VPS8: variants seen among roughly 807,000 people sequenced by gnomAD.
The protein encoded by VPS8 is vacuolar protein sorting-associated protein 8 homolog.
In VPS8, 129 loss-of-function variants were observed where a neutral mutation model predicts 216.4. The observed-to-expected ratio is 0.60, with a 90% CI of 0.52 to 0.69. VPS8 has a LOEUF of 0.69. Among genes scored for constraint, VPS8 ranks in the 30% least tolerant of loss-of-function variants. VPS8 has a pLI of 0.00. For synonymous variants in VPS8, 571 were observed against 565.4 expected, an observed-to-expected ratio of 1.01 and a Z score of -0.14; for missense variants, 1,531 against 1,683.5, an observed-to-expected ratio of 0.91 and a Z score of 1.59.
intron 36 of VPS8, among the ~76,000 whole-genome samples, chr3:184,956,325 C>G (rs1351537782): frequency 1.3e-5 from 2 of 152,216 alleles, no homozygotes; most frequent in African/African-American, 4.8e-5. Flanking sequence ...GCTCTTGGGA[C>G]AACCAGAGTC....
chr3:184,859,887 A>C (rs1237082809), intron 14 of VPS8, 98 bp from the exon 15 acceptor site: 2 of 787,020 alleles, frequency 2.5e-6, no homozygotes, highest in African/African-American at 3.5e-5. Context: ...GAATGGGATA[A>C]TGGGTAAATG....
chr3:185,051,941 G>T lies in VPS8; in HGVS notation c.4203G>T (p.Ser1401=), dbSNP rs200539755. Residue 1401 remains serine (S), a synonymous_variant, in exon 48 of 48, where the codon TCG becomes TCT. Transcript: ENST00000625842. ...AGAGCTATAGGCCATTCAGTGGCTCGCAGAGTGCTCCTGCTTTCAACAGCA... is the reference window on the plus strand; with the variant it reads ...AGAGCTATAGGCCATTCAGTGGCTCTCAGAGTGCTCCTGCTTTCAACAGCA... ...SSESYRPFSG[S]QSAPAFNSIF... The T allele has an allele frequency of 1.9e-6, 3 of 1,612,592 alleles. No homozygotes were observed. The highest frequency in any genetic ancestry group is 2.5e-6 in the Non-Finnish European group (3 of 1,179,510).
intron 45 of VPS8, among the ~76,000 whole-genome samples, chr3:185,004,087 G>T (rs933734083): frequency 6.6e-6 from 1 of 152,230 alleles, no homozygotes; most frequent in East Asian, 1.9e-4. Flanking sequence ...TGGCGGCCAG[G>T]CAGAGGCTGC....
In VPS8 at chr3:184,860,266, C is replaced by T. The variant is rs553603961; in HGVS notation, c.1224+201C>T. 2.0e-4 allele frequency among the ~76,000 whole-genome samples: 31 copies of T among 151,600 alleles called. 1 individual carries two copies. Among genetic ancestry groups the T allele is most frequent in the South Asian group, 8.4e-4 (4 of 4,788 alleles). On this transcript the variant is annotated intron_variant, in intron 15 of 47. Transcript: ENST00000625842. ...CTGGGATAGCTTAAGCCCAGGAGTT[C>T]GAGGCTGTAGTGCTCAGTGATCGCT... is the stretch of plus-strand genomic sequence containing the variant.
intron 4 of VPS8, among the ~76,000 whole-genome samples, chr3:184,833,803 TCTC>T (rs1720498330): frequency 2.0e-5 from 3 of 152,204 alleles, no homozygotes; most frequent in African/African-American, 7.2e-5. Context: ...TTAGTCATCT[TCTC>T]TTTTCTATAG....
chr3:184,926,404 A>G (rs1739654056), intron 30 of VPS8, among the ~76,000 whole-genome samples, 190 bp from the exon 31 acceptor site: 1 of 150,598 alleles, frequency 6.6e-6, no homozygotes, highest in South Asian at 2.1e-4. Flanking sequence ...ATAAATAAAT[A>G]GTTAGCACAC....
At chr3:184,948,824 T>C (rs1383035689) in intron 36 of VPS8, among the ~76,000 whole-genome samples, 1 of 152,202 alleles carries the variant, frequency 6.6e-6, no homozygotes, top group Non-Finnish European at 1.5e-5. Context: ...CCAGCCTGTA[T>C]AGAATTAGAA....
At chr3:184,854,306 C>A in intron 13 of VPS8, 133 bp downstream of exon 13, 3 of 998,896 alleles carry the variant, frequency 3.0e-6, no homozygotes, top group Non-Finnish European at 4.5e-6. Context: ...CTCCAGAGAT[C>A]GTTGGCTGGA....
At chr3:184,862,815 C>G (rs555336356) in intron 15 of VPS8, 82 bp from the exon 16 acceptor site, 3 of 1,414,118 alleles carry the variant, frequency 2.1e-6, no homozygotes, top group Non-Finnish European at 2.9e-6. Context: ...GTAATTTAAT[C>G]GAGCAGCCAA....
At chr3:184,981,687 C>T (rs759797568) in intron 40 of VPS8, among the ~76,000 whole-genome samples, 4 of 152,172 alleles carry the variant, frequency 2.6e-5, no homozygotes, top group East Asian at 1.9e-4. Context: ...CTGCCCGCCT[C>T]GGCCTCCCAA....
chr3:184,982,470 A>C, intron 40 of VPS8, 96 bp from the exon 41 acceptor site: 1 of 824,384 alleles, frequency 1.2e-6, no homozygotes, highest in Non-Finnish European at 1.9e-6. Context: ...GTACGTTTCA[A>C]CCTGTAAAAC....
intron 15 of VPS8, 23 bp downstream of exon 15, chr3:184,860,088 A>G (rs753959841): frequency 1.3e-6 from 2 of 1,540,396 alleles, no homozygotes; most frequent in Non-Finnish European, 1.8e-6. Flanking sequence ...CAAATTAAAT[A>G]TCCCCATTTA....
chr3:184,979,439 T>C (rs753552103), intron 40 of VPS8, among the ~76,000 whole-genome samples: 2 of 152,358 alleles, frequency 1.3e-5, no homozygotes, highest in Admixed American at 6.5e-5. Flanking sequence ...TATCTAAGTC[T>C]CGTCATAGGT....
chr3:184,893,071 T>C (rs1732680818), intron 22 of VPS8, among the ~76,000 whole-genome samples: 2 of 152,178 alleles, frequency 1.3e-5, no homozygotes, highest in Admixed American at 6.5e-5. Flanking sequence ...TTGATAAATA[T>C]GAAATGGAGG....
intron 22 of VPS8, among the ~76,000 whole-genome samples, chr3:184,890,433 G>T (rs1030743466): frequency 1.3e-5 from 2 of 151,916 alleles, no homozygotes; most frequent in Non-Finnish European, 2.9e-5. Context: ...TTTATAGGCA[G>T]TCCTTTTATT....
intron 36 of VPS8, among the ~76,000 whole-genome samples, chr3:184,950,926 C>T (rs866784194): frequency 2.2e-4 from 33 of 152,296 alleles, no homozygotes; most frequent in African/African-American, 7.2e-4. Flanking sequence ...CATAGTATTG[C>T]ATGGTGTATA....
Position 184,944,428 on chromosome 3 carries a change from C to A in VPS8, c.3035+4185C>A, listed in dbSNP as rs928926487. 7.2e-6 allele frequency: 6 copies of A among 838,790 alleles called. No homozygotes were observed. In the African/African-American group the frequency reaches 1.1e-4, roughly 15 times the overall value. The allele number at this position is 838,790 out of a possible 1,614,324, so 52.0% of individuals were successfully genotyped here. A position where few individuals can be genotyped will look rare whatever the true frequency, so the allele number is the denominator to read the frequency against. Reference sequence around the variant, plus strand: ...CGTAAAGCCCGACTCTACCCCCATCCCCTGGGTGCATTGCTGCTGGCCATG... The same window carrying A: ...CGTAAAGCCCGACTCTACCCCCATCACCTGGGTGCATTGCTGCTGGCCATG... On this transcript the variant is annotated intron_variant, in intron 36 of 47. Transcript: ENST00000625842.
intron 23 of VPS8, among the ~76,000 whole-genome samples, chr3:184,895,926 G>T (rs2108948625): frequency 6.6e-6 from 1 of 151,652 alleles, no homozygotes; most frequent in Non-Finnish European, 1.5e-5. Context: ...GAGCCACTGA[G>T]CCTGGCCCAC....
intron 40 of VPS8, among the ~76,000 whole-genome samples, chr3:184,975,083 T>C (rs940802901): frequency 1.3e-5 from 2 of 152,110 alleles, no homozygotes; most frequent in African/African-American, 4.8e-5. Flanking sequence ...GTGTTTTCTA[T>C]TTCTGTGAAA....
Sources: allele counts gnomAD v4.1 joint callset (sites outside exome capture counted in the v4.1 genomes callset), GRCh38; gene constraint gnomAD v4.1.1; transcripts MANE v1.5; gene names NCBI Gene and HGNC (gene_info 2026-07-23, HGNC 2026-07-21).